The following RAB22A variants were observed in gnomAD, a reference collection of about 807,000 sequenced individuals.
The protein encoded by RAB22A is ras-related protein Rab-22A.
Under a neutral mutation model 30.2 loss-of-function variants are expected in RAB22A, and 13 were observed. The ratio of observed to expected loss-of-function variants is 0.43; its 90% CI spans 0.28 to 0.68. The LOEUF is 0.68. RAB22A is among the 30% of genes least tolerant of loss of function. RAB22A has a pLI of 0.18. For missense variants in RAB22A, 177 were observed against 246.8 expected (o/e 0.72, Z 1.89); for synonymous variants, 89 against 87.2 (o/e 1.02, Z -0.11).
chr20:58,333,190 G>C (rs375017561), intron 2 of RAB22A, among the ~76,000 whole-genome samples: 2 of 151,944 alleles, frequency 1.3e-5, no homozygotes, highest in Non-Finnish European at 2.9e-5. Context: ...TGAGGCAGGA[G>C]AACCACTTGA....
chr20:58,335,493 T>C (rs1245347586), intron 2 of RAB22A, among the ~76,000 whole-genome samples: 1 of 151,988 alleles, frequency 6.6e-6, no homozygotes, highest in Admixed American at 6.5e-5. Context: ...AGGTATAGGA[T>C]AGAGAAAAAA....
Position 58,363,592 on chromosome 20 carries a change from A to G in RAB22A, c.*3889A>G, listed in dbSNP as rs1050811379. 1.3e-5 allele frequency: 2 copies of G among 152,170 alleles called. No homozygotes were observed. Among genetic ancestry groups the G allele is most frequent in the Non-Finnish European group, 2.9e-5 (2 of 68,038 alleles). The allele number at this position is 152,170 out of a possible 1,614,324, so 9.4% of individuals were successfully genotyped here. A position where few individuals can be genotyped will look rare whatever the true frequency, so the allele number is the denominator to read the frequency against. On this transcript the variant is annotated 3_prime_UTR_variant, in exon 7 of 7. Coordinates refer to ENST00000244040, the MANE Select transcript of RAB22A (RefSeq NM_020673.3). ...TAATGAAAGTTCAGTGACAAACTAG[A>G]TAGTGAACCTGTGAAAGTCATTATT...
chr20:58,317,431 C>T lies in RAB22A; in HGVS notation c.116+6309C>T, dbSNP rs1168757830. Among the ~76,000 whole-genome samples, 7 of 151,884 alleles carry T rather than the reference C, an allele frequency of 4.6e-5. No homozygotes were observed. In the East Asian group the frequency reaches 1.4e-3, roughly 30 times the overall value. ...CAGTTTAGTCTCTGATCTGTTTCTT[C>T]ATAAGCAAGTAAGGATAATGATAGG... On this transcript the variant is annotated intron_variant, in intron 2 of 6. Transcript: ENST00000244040.
rs1369203127 is a variant in RAB22A, at chr20:58,363,712, T to TACC, written c.*4010_*4012dup. On this transcript the variant is annotated 3_prime_UTR_variant, in exon 7 of 7. Transcript: ENST00000244040. ...ATTTTTTAAAGGAAGAAATGGAATG[T>TACC]ACCTTCAGGGGTCAAGCTGTTAACT... The TACC allele has an allele frequency of 6.6e-6, 1 of 152,238 alleles. No individual in the cohort carries two copies. Among genetic ancestry groups the TACC allele is most frequent in the Admixed American group, 6.5e-5 (1 of 15,288 alleles). The allele number at this position is 152,238 out of a possible 1,614,324, so 9.4% of individuals were successfully genotyped here.
rs2044220478 is a variant in RAB22A, at chr20:58,338,029, T to A, written c.117-5689T>A. Among the ~76,000 whole-genome samples the A allele has an allele frequency of 1.3e-5, 2 of 152,144 alleles. 1 individual carries two copies. The highest frequency in any genetic ancestry group is 1.3e-4 in the Admixed American group (2 of 15,268). ...GCTATTTAGTTATGTTTGTTTATTT[T>A]TTTTTATTTTTTTTTGAGACGGATC... is the stretch of plus-strand genomic sequence containing the variant. On this transcript the variant is annotated intron_variant, in intron 2 of 6. Coordinates refer to ENST00000244040, the MANE Select transcript of RAB22A (RefSeq NM_020673.3).
chr20:58,310,250 G>T (rs911139864), intron 1 of RAB22A, among the ~76,000 whole-genome samples: 2 of 150,760 alleles, frequency 1.3e-5, no homozygotes, highest in African/African-American at 2.4e-5. Context: ...GACTCTTCCC[G>T]CCCCACAAAG....
rs1283034793 is a variant in RAB22A at position 58,366,585 on chromosome 20, CAT to C, written c.*6883_*6884del. ...CAAAATATCATAGGCACCTCAAAGA[CAT>C]GTACAACTCTTAATTTAACATTTTT... On this transcript the variant is annotated 3_prime_UTR_variant, in exon 7 of 7. Coordinates refer to ENST00000244040, the MANE Select transcript of RAB22A (RefSeq NM_020673.3). 2 of 151,994 alleles carry C rather than the reference CAT, an allele frequency of 1.3e-5. No individual in the cohort carries two copies. Among genetic ancestry groups the C allele is most frequent in the African/African-American group, 4.8e-5 (2 of 41,384 alleles). 9.4% of individuals were successfully genotyped at this position (151,994 alleles called of 1,614,324 possible). A position where few individuals can be genotyped will look rare whatever the true frequency, so the allele number is the denominator to read the frequency against.
chr20:58,328,200 G>A (rs2122939874), intron 2 of RAB22A, among the ~76,000 whole-genome samples: 1 of 152,122 alleles, frequency 6.6e-6, no homozygotes, highest in South Asian at 2.1e-4. Context: ...TATATTTTTT[G>A]AGACAAGGTC....
At chr20:58,334,505 T>C (rs1600731720) in intron 2 of RAB22A, among the ~76,000 whole-genome samples, 1 of 152,044 alleles carries the variant, frequency 6.6e-6, no homozygotes, top group Middle Eastern at 3.4e-3. Context: ...TTTGAGCTTT[T>C]TTTTTTCTTT....
chr20:58,348,880 A>C (rs1006085884), intron 3 of RAB22A, among the ~76,000 whole-genome samples: 1 of 152,236 alleles, frequency 6.6e-6, no homozygotes, highest in East Asian at 1.9e-4. Context: ...CCTGGGCCAC[A>C]TAACAGGCCG....
intron 2 of RAB22A, among the ~76,000 whole-genome samples, chr20:58,334,562 T>G (rs1986713178): frequency 6.6e-6 from 1 of 151,926 alleles, no homozygotes; most frequent in Admixed American, 6.6e-5. Flanking sequence ...GGGACAGTAG[T>G]TAACTGGAAA....
intron 6 of RAB22A, among the ~76,000 whole-genome samples, chr20:58,358,882 C>T (rs944797100): frequency 6.7e-6 from 1 of 148,662 alleles, no homozygotes; most frequent in Non-Finnish European, 1.5e-5. Flanking sequence ...GTGACAGAGC[C>T]GATAGCCTGT....
In RAB22A at chr20:58,314,564, T is replaced by C. The variant is rs1212074335; in HGVS notation, c.116+3442T>C. 2.0e-5 allele frequency among the ~76,000 whole-genome samples: 3 copies of C among 152,036 alleles called. No homozygotes were observed. In the East Asian group the frequency reaches 5.8e-4, roughly 29 times the overall value. ...TAAGTTTAAGAATCAAAGTTGGCTG[T>C]GCACGGTGGCTCACACCTGTAATCC... On this transcript the variant is annotated intron_variant, in intron 2 of 6. Coordinates refer to ENST00000244040, the MANE Select transcript of RAB22A (RefSeq NM_020673.3).
chr20:58,355,385 A>G (rs905867894), intron 6 of RAB22A, among the ~76,000 whole-genome samples: 1 of 151,790 alleles, frequency 6.6e-6, no homozygotes, highest in Non-Finnish European at 1.5e-5. Flanking sequence ...TTTTTTTTAC[A>G]TGTCCCATTG....
intron 6 of RAB22A, among the ~76,000 whole-genome samples, chr20:58,356,516 T>A (rs1471421790): frequency 6.6e-6 from 1 of 152,204 alleles, no homozygotes; most frequent in Non-Finnish European, 1.5e-5. Context: ...ACACTGACTT[T>A]GTATTGAAGT....
chr20:58,339,933 G>A (rs540793137), intron 2 of RAB22A, among the ~76,000 whole-genome samples: 1 of 152,278 alleles, frequency 6.6e-6, no homozygotes, highest in African/African-American at 2.4e-5. Context: ...AGCTCGGGAG[G>A]CGCCACAGGC....
rs886605692 is a variant in RAB22A at position 58,365,441 on chromosome 20, T to G, written c.*5738T>G. 1.3e-5 allele frequency: 2 copies of G among 152,246 alleles called. No homozygotes were observed. The highest frequency in any genetic ancestry group is 4.8e-5 in the African/African-American group (2 of 41,470). 9.4% of individuals were successfully genotyped at this position (152,246 alleles called of 1,614,324 possible). A position where few individuals can be genotyped will look rare whatever the true frequency, so the allele number is the denominator to read the frequency against. ...CTAGTATCATTTGGCCATTAATTTT[T>G]AATTAAGTTTATACTTGAATAATCA... On this transcript the variant is annotated 3_prime_UTR_variant, in exon 7 of 7. Coordinates refer to ENST00000244040, the MANE Select transcript of RAB22A (RefSeq NM_020673.3).
intron 3 of RAB22A, among the ~76,000 whole-genome samples, chr20:58,346,512 G>A (rs930332815): frequency 2.6e-5 from 4 of 152,214 alleles, no homozygotes; most frequent in African/African-American, 4.8e-5. Context: ...CTCCTTTCCC[G>A]TCTTTTAGTG....
chr20:58,365,191 G>A lies in RAB22A; in HGVS notation c.*5488G>A, dbSNP rs1199519370. 1 of 152,160 alleles carries A rather than the reference G, an allele frequency of 6.6e-6. No individual in the cohort carries two copies. The highest frequency in any genetic ancestry group is 1.9e-4 in the East Asian group (1 of 5,194). 9.4% of individuals were successfully genotyped at this position (152,160 alleles called of 1,614,324 possible). A position where few individuals can be genotyped will look rare whatever the true frequency, so the allele number is the denominator to read the frequency against. On this transcript the variant is annotated 3_prime_UTR_variant, in exon 7 of 7. Coordinates refer to ENST00000244040, the MANE Select transcript of RAB22A (RefSeq NM_020673.3). Reference sequence around the variant, plus strand: ...GGGAAGCTTTTGAATGCAGTACTGTGGAGGAAATCATCCTTAAAATAGCAT... The same window carrying A: ...GGGAAGCTTTTGAATGCAGTACTGTAGAGGAAATCATCCTTAAAATAGCAT...
Sources: allele counts gnomAD v4.1 joint callset (sites outside exome capture counted in the v4.1 genomes callset), GRCh38; gene constraint gnomAD v4.1.1; transcripts MANE v1.5; gene names NCBI Gene and HGNC (gene_info 2026-07-23, HGNC 2026-07-21).